The following SLC2A9 variants were observed in gnomAD, a reference collection of about 807,000 sequenced individuals.
The protein encoded by SLC2A9 is solute carrier family 2 member 9.
In SLC2A9, 39 loss-of-function variants were observed where a neutral mutation model predicts 50.6. That is an observed-to-expected ratio of 0.77 (90% CI 0.60 to 1.01). The LOEUF (loss-of-function observed/expected upper bound fraction) is 1.01. SLC2A9 is among the 50% of genes least tolerant of loss of function. The probability of loss-of-function intolerance (pLI) is 0.00; values close to 1 mark genes in which losing one functional copy is unlikely to be tolerated. For missense variants in SLC2A9, 686 were observed against 677.6 expected (o/e 1.01, Z -0.14); for synonymous variants, 324 against 276.9 (o/e 1.17, Z -1.69).
intron 10 of SLC2A9, chr4:9,879,692 C>T: frequency 1.0e-6 from 1 of 985,404 alleles, no homozygotes; most frequent in African/African-American, 1.7e-5. Context: ...TCTGTCCACT[C>T]CATTTAAACA....
At chr4:9,782,425 C>A in intron 3 of SLC2A9, 1 of 1,614,012 alleles carries the variant, frequency 6.2e-7, no homozygotes, top group Middle Eastern at 1.7e-4. Context: ...TGAACCTGTG[C>A]GTCATCAGCG....
intron 7 of SLC2A9, among the ~76,000 whole-genome samples, chr4:9,912,082 T>A (rs147246361): frequency 2.6e-5 from 4 of 152,078 alleles, no homozygotes; most frequent in Admixed American, 2.6e-4. Context: ...TAGGTGGGAA[T>A]TGAACAATAA....
chr4:10,023,675 C>T (rs1312788610), upstream of SLC2A9, among the ~76,000 whole-genome samples: 3 of 152,244 alleles, frequency 2.0e-5, no homozygotes, highest in East Asian at 5.8e-4. Flanking sequence ...GTAGCCACAG[C>T]ACTTGCCTCA....
intron 5 of SLC2A9, among the ~76,000 whole-genome samples, chr4:9,955,133 A>T (rs572887299): frequency 9.2e-5 from 14 of 152,298 alleles, no homozygotes; most frequent in Admixed American, 8.5e-4. Context: ...CTGTGCATGC[A>T]AACAGCCCAA....
intron 6 of SLC2A9, among the ~76,000 whole-genome samples, chr4:9,939,901 G>T (rs777293410): frequency 6.6e-6 from 1 of 152,142 alleles, no homozygotes; most frequent in Non-Finnish European, 1.5e-5. Context: ...AGGTACAGAT[G>T]AAAATTTCAA....
intron 7 of SLC2A9, among the ~76,000 whole-genome samples, chr4:9,911,010 GC>G (rs1174869236): frequency 1.4e-5 from 2 of 144,634 alleles, no homozygotes; most frequent in African/African-American, 2.4e-5. Context: ...GTGTGGGGGG[GC>G]TAGAGGAGGG....
rs896534752 is a variant in SLC2A9, at chr4:9,826,290, T to G, written c.*107A>C. 2.6e-6 allele frequency: 3 copies of G among 1,133,014 alleles called. No individual in the cohort carries two copies. Among genetic ancestry groups the G allele is most frequent in the African/African-American group, 3.1e-5 (2 of 65,374 alleles). 70.2% of individuals were successfully genotyped at this position (1,133,014 alleles called of 1,614,324 possible). On this transcript the variant is annotated 3_prime_UTR_variant, in exon 12 of 12. Transcript: ENST00000264784. ...AAAGACTTGCATAGCTTCAATTCAT[T>G]TAAGCTTCCCAATAATGGGTAAATT...
chr4:9,929,152 C>T (rs1230300829), intron 6 of SLC2A9, among the ~76,000 whole-genome samples: 1 of 152,206 alleles, frequency 6.6e-6, no homozygotes, highest in Non-Finnish European at 1.5e-5. Flanking sequence ...TTTATGTGCC[C>T]TTATTCATTT....
intron 3 of SLC2A9, among the ~76,000 whole-genome samples, chr4:9,991,675 C>T (rs1757739805): frequency 6.6e-6 from 1 of 152,120 alleles, no homozygotes. Flanking sequence ...AATGAGGTCA[C>T]AAGGAAGCGG....
intron 1 of SLC2A9, among the ~76,000 whole-genome samples, chr4:10,029,577 T>TTA (rs1193676618): frequency 1.7e-4 from 4 of 24,096 alleles, no homozygotes; most frequent in African/African-American, 3.4e-4. Flanking sequence ...TTATTTTATA[T>TTA]TTTTATTTTA....
chr4:9,983,654 C>T (rs1398000092), intron 4 of SLC2A9, among the ~76,000 whole-genome samples: 1 of 152,086 alleles, frequency 6.6e-6, no homozygotes, highest in Non-Finnish European at 1.5e-5. Context: ...CAGAGCTGGC[C>T]CAGAGCAGAA....
At chr4:9,869,094 G>A (rs1424309506) in intron 10 of SLC2A9, among the ~76,000 whole-genome samples, 2 of 152,180 alleles carry the variant, frequency 1.3e-5, no homozygotes, top group African/African-American at 2.4e-5. Context: ...TATTGACAGA[G>A]CCTATTGGCA....
chr4:10,010,609 G>A (rs1482142377), intron 2 of SLC2A9, among the ~76,000 whole-genome samples: 1 of 152,092 alleles, frequency 6.6e-6, no homozygotes, highest in East Asian at 1.9e-4. Context: ...TAGACGCCAG[G>A]GAAACAAATG....
At chr4:9,787,176 C>T (rs1445994606) in intron 3 of SLC2A9, among the ~76,000 whole-genome samples, 2 of 152,234 alleles carry the variant, frequency 1.3e-5, no homozygotes, top group Admixed American at 6.5e-5. Context: ...TGCCCCAGAA[C>T]TTGTTCTGAT....
chr4:9,992,797 T>C (rs894887190), intron 3 of SLC2A9, among the ~76,000 whole-genome samples: 1 of 152,226 alleles, frequency 6.6e-6, no homozygotes, highest in African/African-American at 2.4e-5. Flanking sequence ...TTCAGCCAGT[T>C]TGCTTTGGGT....
At chr4:9,864,213 C>A (rs1379171254) in intron 10 of SLC2A9, among the ~76,000 whole-genome samples, 1 of 152,054 alleles carries the variant, frequency 6.6e-6, no homozygotes, top group African/African-American at 2.4e-5. Flanking sequence ...AAACAGGCTG[C>A]CACTGTCTTA....
upstream of SLC2A9, among the ~76,000 whole-genome samples, chr4:10,025,117 G>A (rs1763707594): frequency 6.6e-6 from 1 of 152,190 alleles, no homozygotes; most frequent in South Asian, 2.1e-4. Flanking sequence ...TTGGTAAATG[G>A]ACTTGTGTTG....
chr4:10,023,550 A>G (rs1395822447), upstream of SLC2A9, among the ~76,000 whole-genome samples: 1 of 152,194 alleles, frequency 6.6e-6, no homozygotes, highest in African/African-American at 2.4e-5. Flanking sequence ...TTGAAAACTC[A>G]AAAGGAACCA....
At chr4:9,952,539 T>TC (rs1750502622) in intron 5 of SLC2A9, among the ~76,000 whole-genome samples, 1 of 151,060 alleles carries the variant, frequency 6.6e-6, no homozygotes. Context: ...TGTCTGTCTT[T>TC]TTTTTTTTTT....
Sources: gnomAD v4.1 joint callset for allele counts (sites outside exome capture counted in the v4.1 genomes callset) on GRCh38, gnomAD v4.1.1 for gene constraint, MANE v1.5 for transcripts, NCBI Gene and HGNC (gene_info 2026-07-23, HGNC 2026-07-21) for gene names.